The following PPP6R3 variants were observed in gnomAD, a reference collection of about 807,000 sequenced individuals.
The protein encoded by PPP6R3 is protein phosphatase 6 regulatory subunit 3, also known as serine/threonine-protein phosphatase 6 regulatory subunit 3.
In PPP6R3, 38 loss-of-function variants were observed where a neutral mutation model predicts 110.7. The ratio of observed to expected loss-of-function variants is 0.34; its 90% confidence interval spans 0.26 to 0.45. The LOEUF (loss-of-function observed/expected upper bound fraction) is 0.45, where lower values mean the gene tolerates loss of function less well. Among genes scored for constraint, PPP6R3 ranks in the 20% least tolerant of loss-of-function variants. The pLI is 1.00. For missense variants in PPP6R3, 870 were observed against 1,062.4 expected (o/e 0.82, Z 2.52); for synonymous variants, 369 against 373.5 (o/e 0.99, Z 0.14).
At position 68,614,882 on chromosome 11, in the gene PPP6R3, A is replaced by G. The variant is rs748191206; in HGVS notation, c.*1765A>G. 36 of 885,242 alleles carry G rather than the reference A, an allele frequency of 4.1e-5. No individual in the cohort carries two copies. In the Admixed American group the frequency reaches 5.5e-4, roughly 13 times the overall value. The allele number at this position is 885,242 out of a possible 1,614,324, so 54.8% of individuals were successfully genotyped here. ...ACCTCGGGGATTACTGGTAGATAAT[A>G]TGCTCTGGTCTCGCCTGGTGGTGAG... On this transcript the variant is annotated 3_prime_UTR_variant, in exon 24 of 24. Coordinates refer to ENST00000393800, the MANE Select transcript of PPP6R3 (RefSeq NM_001164161.2).
At chr11:68,560,838 A>G (rs1323525414) in intron 8 of PPP6R3, among the ~76,000 whole-genome samples, 1 of 151,300 alleles carries the variant, frequency 6.6e-6, no homozygotes, top group Non-Finnish European at 1.5e-5. Flanking sequence ...TAGTATTTGC[A>G]TGTAACCTAC....
At chr11:68,540,440 G>C (rs1423607237) in intron 3 of PPP6R3, among the ~76,000 whole-genome samples, 1 of 152,100 alleles carries the variant, frequency 6.6e-6, no homozygotes, top group African/African-American at 2.4e-5. Flanking sequence ...TACTTAACAG[G>C]GTAATAGAAT....
At chr11:68,534,606 G>A (rs1248532462) in intron 2 of PPP6R3, among the ~76,000 whole-genome samples, 1 of 152,116 alleles carries the variant, frequency 6.6e-6, no homozygotes, top group East Asian at 1.9e-4. Context: ...TAGGTTTTAG[G>A]CATAGCTTCT....
At chr11:68,515,561 A>G (rs2099132345) in intron 1 of PPP6R3, among the ~76,000 whole-genome samples, 1 of 152,240 alleles carries the variant, frequency 6.6e-6, no homozygotes, top group Admixed American at 6.5e-5. Flanking sequence ...AAAGTTATCC[A>G]GTCAATAATT....
chr11:68,573,374 C>T (rs1412743346), intron 12 of PPP6R3, among the ~76,000 whole-genome samples: 1 of 151,908 alleles, frequency 6.6e-6, no homozygotes, highest in East Asian at 1.9e-4. Flanking sequence ...TGGTCTCAAA[C>T]TCCTGACCTC....
intron 19 of PPP6R3, among the ~76,000 whole-genome samples, chr11:68,597,297 G>T (rs1233224999): frequency 1.3e-5 from 2 of 152,192 alleles, no homozygotes; most frequent in African/African-American, 2.4e-5. Context: ...GTAGGGATTT[G>T]CCCGTGCGAG....
At chr11:68,464,746 A>T (rs2098733791) in intron 1 of PPP6R3, among the ~76,000 whole-genome samples, 3 of 152,182 alleles carry the variant, frequency 2.0e-5, no homozygotes, top group Non-Finnish European at 2.9e-5. Context: ...ACTGTGCTGA[A>T]ACTAAGCAAA....
chr11:68,565,083 T>C (rs766345402), intron 9 of PPP6R3, among the ~76,000 whole-genome samples: 1 of 152,164 alleles, frequency 6.6e-6, no homozygotes, highest in Non-Finnish European at 1.5e-5. Flanking sequence ...GCAACAGTTC[T>C]TAAGTTTCCT....
chr11:68,596,558 AGAG>A (rs969274168), intron 19 of PPP6R3, among the ~76,000 whole-genome samples: 6 of 152,196 alleles, frequency 3.9e-5, no homozygotes, highest in South Asian at 4.1e-4. Context: ...GTTGGTGGGA[AGAG>A]GAGGACATGG....
Position 68,601,909 on chromosome 11 carries a change from A to G in PPP6R3, c.2239A>G (p.Ser747Gly). The change falls in exon 21 of 24, where the codon AGC becomes GGC. Residue 747 changes from serine to glycine, a missense_variant. By Grantham distance (56) the Ser-to-Gly change is moderately conservative. Coordinates refer to ENST00000393800, the MANE Select transcript of PPP6R3 (RefSeq NM_001164161.2). ...RSNSPVEMETSTEPMDPLTPS... is the reference protein window; with the variant it reads ...RSNSPVEMETGTEPMDPLTPS... ...TAATTCTCCAGTGGAAATGGAAACC[A>G]GCACTGAACCCATGGACCCTCTGAC... 1 of 1,613,678 alleles carries G rather than the reference A, an allele frequency of 6.2e-7. No homozygotes were observed. The highest frequency in any genetic ancestry group is 8.5e-7 in the Non-Finnish European group (1 of 1,179,826).
At chr11:68,511,541 C>T (rs1231312608) in intron 1 of PPP6R3, among the ~76,000 whole-genome samples, 2 of 139,814 alleles carry the variant, frequency 1.4e-5, no homozygotes, top group African/African-American at 5.5e-5. Context: ...AGTGCAGTGT[C>T]GCGATCTCAG....
chr11:68,554,248 C>G lies in PPP6R3; in HGVS notation c.722C>G (p.Thr241Ser), dbSNP rs933791703. Residue 241 changes from threonine to serine, a missense_variant, in exon 7 of 24, where the codon ACT (threonine) becomes AGT (serine). Physicochemically the swap from Thr to Ser is moderately conservative, Grantham distance 58. Coordinates refer to ENST00000393800, the MANE Select transcript of PPP6R3 (RefSeq NM_001164161.2). Reference protein sequence around the residue: ...NSTEPDPLLATLEKQEIIEQL... With the variant: ...NSTEPDPLLASLEKQEIIEQL... ...ACAGAGCCCGACCCCCTGCTTGCCACTCTAGAAAAGTATGTGTAAAACTCT... is the reference window on the plus strand; with the variant it reads ...ACAGAGCCCGACCCCCTGCTTGCCAGTCTAGAAAAGTATGTGTAAAACTCT... 6.2e-7 allele frequency: 1 copy of G among 1,609,532 alleles called. No homozygotes were observed. The highest frequency in any genetic ancestry group is 2.2e-5 in the East Asian group (1 of 44,810).
chr11:68,501,420 A>G (rs935896284), intron 1 of PPP6R3, among the ~76,000 whole-genome samples: 1 of 152,200 alleles, frequency 6.6e-6, no homozygotes, highest in Non-Finnish European at 1.5e-5. Flanking sequence ...TCTGCTTCCC[A>G]GGTTCAAATG....
intron 14 of PPP6R3, among the ~76,000 whole-genome samples, chr11:68,580,188 G>A (rs1043328535): frequency 1.3e-5 from 2 of 152,150 alleles, no homozygotes; most frequent in African/African-American, 2.4e-5. Flanking sequence ...ATGTTGTCCC[G>A]TGTGGATGTA....
intron 15 of PPP6R3, chr11:68,587,716 C>T: frequency 1.6e-6 from 1 of 633,498 alleles, no homozygotes; most frequent in Non-Finnish European, 2.8e-6. Flanking sequence ...GTGACATGTG[C>T]ATTAGAATGA....
At chr11:68,554,526 A>G (rs2099392237) in intron 7 of PPP6R3, among the ~76,000 whole-genome samples, 1 of 152,222 alleles carries the variant, frequency 6.6e-6, no homozygotes, top group South Asian at 2.1e-4. Context: ...TGTGGTAGTC[A>G]TTTAGAAATA....
chr11:68,476,350 G>T (rs1462993626), intron 1 of PPP6R3, among the ~76,000 whole-genome samples: 1 of 151,942 alleles, frequency 6.6e-6, no homozygotes, highest in Non-Finnish European at 1.5e-5. Flanking sequence ...GCAATCGCAG[G>T]CACTGGGCAG....
At chr11:68,595,875 A>G (rs2099612519) in intron 18 of PPP6R3, among the ~76,000 whole-genome samples, 2 of 152,216 alleles carry the variant, frequency 1.3e-5, no homozygotes, top group South Asian at 4.1e-4. Context: ...CTCCACTTTA[A>G]GCAGAGCCCA....
intron 1 of PPP6R3, among the ~76,000 whole-genome samples, chr11:68,476,346 G>A (rs905604650): frequency 6.6e-6 from 1 of 151,978 alleles, no homozygotes; most frequent in Non-Finnish European, 1.5e-5. Context: ...GCCTGCAATC[G>A]CAGGCACTGG....
Sources: gnomAD v4.1 joint callset for allele counts (sites outside exome capture counted in the v4.1 genomes callset) on GRCh38, gnomAD v4.1.1 for gene constraint, MANE v1.5 for transcripts, NCBI Gene and HGNC (gene_info 2026-07-23, HGNC 2026-07-21) for gene names.